Variants in STRBP observed in about 807,000 individuals in gnomAD.
STRBP encodes the protein spermatid perinuclear RNA-binding protein.
In STRBP, 13 loss-of-function variants were observed where a neutral mutation model predicts 80.1. That is an observed-to-expected ratio of 0.16 (90% CI 0.11 to 0.26). The LOEUF (loss-of-function observed/expected upper bound fraction) is 0.26, where lower values mean the gene tolerates loss of function less well. Ranked by LOEUF, STRBP falls within the 10% of genes least tolerant of loss-of-function variation. STRBP has a pLI of 1.00. For missense variants in STRBP, 485 were observed against 815.2 expected (o/e 0.59, Z 4.93); for synonymous variants, 284 against 291.2 (o/e 0.98, Z 0.25).
intron 5 of STRBP, among the ~76,000 whole-genome samples, chr9:123,173,160 T>C (rs924654573): frequency 6.6e-6 from 1 of 152,176 alleles, no homozygotes; most frequent in African/African-American, 2.4e-5. Context: ...CATCATATTT[T>C]TCTAAATGCA....
intron 2 of STRBP, among the ~76,000 whole-genome samples, chr9:123,224,686 C>G (rs936689879): frequency 6.6e-6 from 1 of 152,142 alleles, no homozygotes; most frequent in Non-Finnish European, 1.5e-5. Flanking sequence ...AAGTACTATA[C>G]TGGGGTACAA....
At chr9:123,132,275 T>C (rs1308544292) in intron 17 of STRBP, among the ~76,000 whole-genome samples, 2 of 152,064 alleles carry the variant, frequency 1.3e-5, no homozygotes, top group African/African-American at 4.8e-5. Context: ...AATTTCTACC[T>C]GATGAAACAC....
At chr9:123,249,705 C>T (rs558916816) in intron 1 of STRBP, among the ~76,000 whole-genome samples, 7 of 152,116 alleles carry the variant, frequency 4.6e-5, no homozygotes, top group Middle Eastern at 3.4e-3. Flanking sequence ...ATAAAGCAAC[C>T]GAGTCACTCC....
At chr9:123,263,261 G>A (rs1034082786) in intron 1 of STRBP, among the ~76,000 whole-genome samples, 1 of 152,120 alleles carries the variant, frequency 6.6e-6, no homozygotes, top group African/African-American at 2.4e-5. Flanking sequence ...GCAAATTAAT[G>A]TGTAATAAAG....
At chr9:123,225,176 A>G (rs2040196130) in intron 2 of STRBP, among the ~76,000 whole-genome samples, 1 of 152,208 alleles carries the variant, frequency 6.6e-6, no homozygotes, top group South Asian at 2.1e-4. Flanking sequence ...GAAGATGAGG[A>G]CACGGGAGAA....
At position 123,149,296 on chromosome 9, in the gene STRBP, G is replaced by A. The variant is rs1043187898; in HGVS notation, c.1046-1426C>T. Among the ~76,000 whole-genome samples the A allele has an allele frequency of 1.4e-4, 21 of 152,304 alleles. No individual in the cohort carries two copies. The South Asian group carries it at 1.9e-3, about 14-fold the overall frequency. ...GATGTTCTCTTCAACAGAAGGCAAC[G>A]TTGGCTGAGTATTATATTTCATTTG... On this transcript the variant is annotated intron_variant, in intron 11 of 18. Coordinates refer to ENST00000348403, the MANE Select transcript of STRBP (RefSeq NM_018387.5).
At chr9:123,180,199 G>C (rs1257624353) in intron 3 of STRBP, among the ~76,000 whole-genome samples, 5 of 152,134 alleles carry the variant, frequency 3.3e-5, no homozygotes, top group Admixed American at 6.5e-5. Flanking sequence ...GAGGTTAAGT[G>C]AGCTACCACT....
chr9:123,256,045 T>G (rs1371598389), intron 1 of STRBP, among the ~76,000 whole-genome samples: 14 of 127,038 alleles, frequency 1.1e-4, no homozygotes, highest in Admixed American at 8.8e-4. Flanking sequence ...TTTTTTTTTT[T>G]GCTAGTCTTG....
chr9:123,161,356 T>C (rs1413213612), intron 6 of STRBP, among the ~76,000 whole-genome samples: 1 of 152,222 alleles, frequency 6.6e-6, no homozygotes, highest in African/African-American at 2.4e-5. Flanking sequence ...TCTGGGATCT[T>C]ATTAAGCATC....
chr9:123,143,078 T>C (rs879072104), intron 13 of STRBP, among the ~76,000 whole-genome samples: 32 of 152,322 alleles, frequency 2.1e-4, no homozygotes, highest in South Asian at 1.2e-3. Context: ...TTCTACATCA[T>C]GGCTCTCTAC....
intron 3 of STRBP, among the ~76,000 whole-genome samples, chr9:123,180,173 T>TA (rs2038395081): frequency 6.6e-6 from 1 of 152,084 alleles, no homozygotes; most frequent in African/African-American, 2.4e-5. Flanking sequence ...GGAGGATCCT[T>TA]AGAGCCCAGG....
chr9:123,258,540 A>G (rs1354675635), intron 1 of STRBP, among the ~76,000 whole-genome samples: 1 of 152,186 alleles, frequency 6.6e-6, no homozygotes, highest in African/African-American at 2.4e-5. Flanking sequence ...GTGGTGGCTC[A>G]CGCCTGTAAT....
chr9:123,131,710 G>A (rs552707741), intron 17 of STRBP, among the ~76,000 whole-genome samples: 5 of 152,110 alleles, frequency 3.3e-5, no homozygotes, highest in South Asian at 2.1e-4. Context: ...ATTAATCTAC[G>A]TCTCACCCTT....
chr9:123,222,339 T>C (rs2040093480), intron 2 of STRBP, among the ~76,000 whole-genome samples: 1 of 152,124 alleles, frequency 6.6e-6, no homozygotes. Flanking sequence ...GTTCCAGACT[T>C]AGACAGCACT....
chr9:123,229,557 A>G (rs1442819244), intron 2 of STRBP, among the ~76,000 whole-genome samples: 1 of 152,228 alleles, frequency 6.6e-6, no homozygotes, highest in Non-Finnish European at 1.5e-5. Flanking sequence ...TTGATGATGC[A>G]GGAAAATCTG....
Position 123,115,678 on chromosome 9 carries a change from T to C in STRBP, c.*84+251A>G, listed in dbSNP as rs555482548. ...GAAGGGAGACATGGTCTTGGCAGCATCACCAGTCAACATCAGAGTTCGTCC... is the reference window on the plus strand; with the variant it reads ...GAAGGGAGACATGGTCTTGGCAGCACCACCAGTCAACATCAGAGTTCGTCC... On this transcript the variant is annotated intron_variant and NMD_transcript_variant, in intron 3 of 3. Transcript: ENST00000471564. The surrounding 1 kb of genome is among the most constrained non-coding windows in gnomAD (Gnocchi z 5.0). 5.1e-5 allele frequency: 17 copies of C among 336,172 alleles called. No individual in the cohort carries two copies. Among genetic ancestry groups the C allele is most frequent in the South Asian group, 1.2e-4 (5 of 41,290 alleles). The allele number at this position is 336,172 out of a possible 1,614,324, so 20.8% of individuals were successfully genotyped here.
chr9:123,260,702 T>G (rs926510528), intron 1 of STRBP, among the ~76,000 whole-genome samples: 1 of 152,176 alleles, frequency 6.6e-6, no homozygotes, highest in African/African-American at 2.4e-5. Flanking sequence ...GTATATGATG[T>G]CTAAGATTGA....
chr9:123,176,668 C>T (rs1057077532), intron 4 of STRBP, among the ~76,000 whole-genome samples: 2 of 152,156 alleles, frequency 1.3e-5, no homozygotes, highest in Non-Finnish European at 2.9e-5. Context: ...TTATTAAATT[C>T]TAAACCATAA....
At chr9:123,158,768 T>A (rs2037400512) in intron 9 of STRBP, among the ~76,000 whole-genome samples, 1 of 152,158 alleles carries the variant, frequency 6.6e-6, no homozygotes, top group Non-Finnish European at 1.5e-5. Flanking sequence ...TTTCCAAATT[T>A]AAAACCAGAC....
Sources: gnomAD v4.1 joint callset for allele counts (sites outside exome capture counted in the v4.1 genomes callset) on GRCh38, gnomAD v4.1.1 for gene constraint, Gnocchi (gnomAD v3.1) non-coding constraint, MANE v1.5 for transcripts, NCBI Gene and HGNC (gene_info 2026-07-23, HGNC 2026-07-21) for gene names.